Variants in NPHP4 observed in about 807,000 individuals in gnomAD.
NPHP4 encodes nephrocystin-4.
A neutral mutation model predicts 155.8 loss-of-function variants in NPHP4; 151 were observed. The ratio of observed to expected loss-of-function variants is 0.97; its 90% CI spans 0.85 to 1.11. The LOEUF (loss-of-function observed/expected upper bound fraction) is 1.11. NPHP4 is among the 50% of genes least tolerant of loss of function. The pLI, the probability that NPHP4 is intolerant of heterozygous loss-of-function variation, is 0.00. For synonymous variants in NPHP4, 845 were observed against 816.8 expected (o/e 1.03, Z -0.59); for missense variants, 1,956 against 1,925.7 (o/e 1.02, Z -0.29).
At chr1:5,904,832 C>T (rs776897121) in intron 15 of NPHP4, 28 bp from the exon 16 acceptor site, 2 of 1,609,990 alleles carry the variant, frequency 1.2e-6, no homozygotes, top group Admixed American at 3.3e-5. Flanking sequence ...TCTGGGTTAA[C>T]TGAGTATCCA....
In NPHP4 at chr1:5,933,272, C is replaced by T; in HGVS notation, c.1177G>A (p.Val393Ile). 1 of 1,613,782 alleles carries T rather than the reference C, an allele frequency of 6.2e-7. No homozygotes were observed. Among genetic ancestry groups the T allele is most frequent in the South Asian group, 1.1e-5 (1 of 91,080 alleles). ...TCAGCTTCCAGCAAGGGGTTCCAAA[C>T]AGCCCAGCGGACCATGTGCATGCAT... ...LACMHMVRWAVWNPLLEADSG... is the reference protein window; with the variant it reads ...LACMHMVRWAIWNPLLEADSG... Residue 393 changes from valine (V) to isoleucine (I), a missense_variant, in exon 10 of 30, where the codon GTT (valine) becomes ATT (isoleucine). Coordinates refer to ENST00000378156, the MANE Select transcript of NPHP4 (RefSeq NM_015102.5).
chr1:5,939,342 C>T (rs570377442), intron 9 of NPHP4, among the ~76,000 whole-genome samples: 2 of 152,358 alleles, frequency 1.3e-5, no homozygotes, highest in African/African-American at 2.4e-5. Flanking sequence ...TTGACAATGA[C>T]TAAAAGAAGC....
chr1:5,879,985 G>C lies in NPHP4; in HGVS notation c.2611+129C>G, dbSNP rs1342585704. 2.6e-5 allele frequency: 29 copies of C among 1,116,328 alleles called. No homozygotes were observed. The East Asian group carries it at 7.1e-4, about 27-fold the overall frequency. 69.2% of individuals were successfully genotyped at this position (1,116,328 alleles called of 1,614,324 possible). ...CCCGTCCTAGACGCAGAGGGGCACTGACAGCACCACGAATGGTGCACACAC... is the reference window on the plus strand; with the variant it reads ...CCCGTCCTAGACGCAGAGGGGCACTCACAGCACCACGAATGGTGCACACAC... On this transcript the variant is annotated intron_variant, in intron 19 of 29. Coordinates refer to ENST00000378156, the MANE Select transcript of NPHP4 (RefSeq NM_015102.5).
intron 1 of NPHP4, among the ~76,000 whole-genome samples, chr1:5,987,104 T>A (rs1450109083): frequency 6.6e-6 from 1 of 151,972 alleles, no homozygotes; most frequent in South Asian, 2.1e-4. Context: ...CCCACGACAC[T>A]TCAGCTACAT....
In NPHP4 at chr1:5,867,494, C is replaced by T. The variant is rs572874001; in HGVS notation, c.3472+246G>A. 2.1e-4 allele frequency: 123 copies of T among 576,638 alleles called. No homozygotes were observed. The East Asian group carries it at 3.1e-3, about 15-fold the overall frequency. 35.7% of individuals were successfully genotyped at this position (576,638 alleles called of 1,614,324 possible). Reference sequence around the variant, plus strand: ...CCTCCAGGCACACCTGGACCTGGGCCGCGGGAGCTGGGATTTTTTAGAAGG... The same window carrying T: ...CCTCCAGGCACACCTGGACCTGGGCTGCGGGAGCTGGGATTTTTTAGAAGG... On this transcript the variant is annotated intron_variant, in intron 24 of 29. Transcript: ENST00000378156. The surrounding 1 kb of genome is among the most constrained non-coding windows in gnomAD (Gnocchi z 4.1).
At position 5,944,024 on chromosome 1, in the gene NPHP4, A is replaced by C. The variant is rs191338576; in HGVS notation, c.1119+3080T>G. Among the ~76,000 whole-genome samples, 7 of 152,266 alleles carry C rather than the reference A, an allele frequency of 4.6e-5. No homozygotes were observed. Among genetic ancestry groups the C allele is most frequent in the African/African-American group, 1.7e-4 (7 of 41,536 alleles). On this transcript the variant is annotated intron_variant, in intron 9 of 29. Transcript: ENST00000378156. The surrounding 1 kb of genome is among the most constrained non-coding windows in gnomAD (Gnocchi z 4.3). ...ACTGTTAGCTTTGAAATTTCCCAAAATAAAAAAGTTTTTAAAAAAAAAAGA... is the reference window on the plus strand; with the variant it reads ...ACTGTTAGCTTTGAAATTTCCCAAACTAAAAAAGTTTTTAAAAAAAAAAGA...
At chr1:5,990,464 A>G (rs1656069999) in intron 1 of NPHP4, among the ~76,000 whole-genome samples, 1 of 152,136 alleles carries the variant, frequency 6.6e-6, no homozygotes, top group South Asian at 2.1e-4. Context: ...AAAAAGAAGA[A>G]GAAGAAAATA....
intron 5 of NPHP4, among the ~76,000 whole-genome samples, chr1:5,965,276 A>G (rs1257425794): frequency 6.6e-6 from 1 of 152,012 alleles, no homozygotes; most frequent in East Asian, 1.9e-4. Flanking sequence ...GTGTATTGCC[A>G]TTACCAGCAA....
intron 3 of NPHP4, among the ~76,000 whole-genome samples, chr1:5,971,740 G>A (rs1168830138): frequency 6.6e-6 from 1 of 150,946 alleles, no homozygotes; most frequent in African/African-American, 2.5e-5. Context: ...CTTAACGAGC[G>A]CCACTGCCAT....
intron 11 of NPHP4, among the ~76,000 whole-genome samples, chr1:5,927,094 T>C (rs1646044075): frequency 6.6e-6 from 1 of 152,240 alleles, no homozygotes; most frequent in African/African-American, 2.4e-5. Context: ...CAGAAGCAGC[T>C]AGGCTGACGG....
Position 5,864,321 on chromosome 1 carries a change from C to T in NPHP4, c.3996+17G>A. 1 of 1,583,884 alleles carries T rather than the reference C, an allele frequency of 6.3e-7. No individual in the cohort carries two copies. The highest frequency in any genetic ancestry group is 1.1e-5 in the South Asian group (1 of 87,694). ...GAGCCCCCATCCCCTCAGCCTGTGC[C>T]TGCCACACATACAGACCTTGGAGAT... is the stretch of plus-strand genomic sequence containing the variant. On this transcript the variant is annotated intron_variant, in intron 28 of 29. Transcript: ENST00000378156.
In NPHP4 at chr1:5,890,659, A is replaced by G. The variant is rs1407078755; in HGVS notation, c.2304+209T>C. 6.6e-6 allele frequency among the ~76,000 whole-genome samples: 1 copy of G among 152,248 alleles called. No homozygotes were observed. The highest frequency in any genetic ancestry group is 2.4e-5 in the African/African-American group (1 of 41,470). On this transcript the variant is annotated intron_variant, in intron 17 of 29. Coordinates refer to ENST00000378156, the MANE Select transcript of NPHP4 (RefSeq NM_015102.5). The surrounding 1 kb of genome is among the most constrained non-coding windows in gnomAD (Gnocchi z 4.9). ...ATCTTAAGAGTTTCTTGAGCAAACA[A>G]CTAGCATTATAGAATTCAGACAGTG... is the stretch of plus-strand genomic sequence containing the variant.
intron 9 of NPHP4, among the ~76,000 whole-genome samples, chr1:5,940,755 A>AT (rs531148359): frequency 1.1e-4 from 16 of 152,326 alleles, no homozygotes; most frequent in African/African-American, 3.8e-4. Context: ...AAAAATCTAC[A>AT]TTTTAAAACC....
intron 6 of NPHP4, among the ~76,000 whole-genome samples, chr1:5,953,853 T>C (rs1648670048): frequency 6.6e-6 from 1 of 152,238 alleles, no homozygotes; most frequent in African/African-American, 2.4e-5. Flanking sequence ...CTGCCCCTTC[T>C]TTCTCCACCA....
intron 29 of NPHP4, 28 bp downstream of exon 29, chr1:5,863,862 A>G (rs761632746): frequency 1.9e-6 from 3 of 1,612,256 alleles, no homozygotes; most frequent in Middle Eastern, 1.8e-4. Context: ...GTCTTCCCCT[A>G]GGAGTCCCAG....
At chr1:5,976,683 T>C (rs930037991) in intron 3 of NPHP4, among the ~76,000 whole-genome samples, 2 of 152,216 alleles carry the variant, frequency 1.3e-5, no homozygotes, top group Non-Finnish European at 2.9e-5. Context: ...TCCTTAGCTG[T>C]CCAGACATAC....
chr1:5,914,084 C>T (rs959618226), intron 11 of NPHP4, among the ~76,000 whole-genome samples: 4 of 151,934 alleles, frequency 2.6e-5, no homozygotes, highest in Non-Finnish European at 5.9e-5. Context: ...CCACCAACAA[C>T]CCTCTCTCAC....
chr1:5,979,394 G>A (rs556048168), intron 2 of NPHP4, among the ~76,000 whole-genome samples: 1 of 152,086 alleles, frequency 6.6e-6, no homozygotes, highest in African/African-American at 2.4e-5. Context: ...AGAACAAGGG[G>A]GGCATGAGAA....
At chr1:5,961,178 T>C (rs1383664050) in intron 6 of NPHP4, among the ~76,000 whole-genome samples, 1 of 152,032 alleles carries the variant, frequency 6.6e-6, no homozygotes, top group African/African-American at 2.4e-5. Context: ...ATGATCCCAG[T>C]CCTATGAGGT....
Sources: gnomAD v4.1 joint callset for allele counts (sites outside exome capture counted in the v4.1 genomes callset) on GRCh38, gnomAD v4.1.1 for gene constraint, Gnocchi (gnomAD v3.1) non-coding constraint, MANE v1.5 for transcripts, NCBI Gene and HGNC (gene_info 2026-07-23, HGNC 2026-07-21) for gene names.